FGF13: variants seen among roughly 807,000 people sequenced by gnomAD.
The protein encoded by FGF13 is fibroblast growth factor 13, also known as fibroblast growth factor homologous factor 2.
FGF13 carries 2 observed loss-of-function variants against 19.5 expected under a neutral mutation model. The observed-to-expected ratio is 0.10, with a 90% CI of 0.04 to 0.32. The LOEUF (loss-of-function observed/expected upper bound fraction) is 0.32, where lower values mean the gene tolerates loss of function less well. Among genes scored for constraint, FGF13 ranks in the 10% least tolerant of loss-of-function variants. FGF13 has a pLI of 1.00. For missense variants in FGF13, 113 were observed against 192.7 expected, an observed-to-expected ratio of 0.59 and a Z score of 2.45; for synonymous variants, 72 against 76.9, an observed-to-expected ratio of 0.94 and a Z score of 0.33.
intron 3 of FGF13, among the ~76,000 whole-genome samples, chrX:138,809,470 C>A (rs1353283876): frequency 5.4e-5 from 6 of 111,617 alleles, no homozygotes; most frequent in African/African-American, 1.3e-4. Flanking sequence ...CTACTTATGA[C>A]AAACCCACAG....
chrX:138,828,655 C>T (rs1003503177), intron 3 of FGF13, among the ~76,000 whole-genome samples: 1 of 111,290 alleles, frequency 9.0e-6, no homozygotes, highest in Non-Finnish European at 1.9e-5. Context: ...GTGAAAGCCA[C>T]TTACTAGTAA....
chrX:138,751,389 A>G (rs1156239274), intron 3 of FGF13, among the ~76,000 whole-genome samples: 1 of 111,242 alleles, frequency 9.0e-6, no homozygotes, highest in Non-Finnish European at 1.9e-5. Context: ...GCTCAGAGGC[A>G]TAGGCAGGTT....
At chrX:139,196,910 C>G (rs1041304411) in intron 1 of FGF13, among the ~76,000 whole-genome samples, 1 of 112,328 alleles carries the variant, frequency 8.9e-6, no homozygotes, top group Non-Finnish European at 1.9e-5. Context: ...TTTTAGGACA[C>G]CAGTCAAAAT....
At chrX:139,143,296 G>C (rs1003152361) in intron 1 of FGF13, among the ~76,000 whole-genome samples, 15 of 111,890 alleles carry the variant, frequency 1.3e-4, no homozygotes, top group Non-Finnish European at 2.4e-4. Flanking sequence ...AATAGTCCTA[G>C]TAGTCTGGAA....
chrX:138,750,462 T>G (rs2090390269), intron 3 of FGF13, among the ~76,000 whole-genome samples: 2 of 111,050 alleles, frequency 1.8e-5, no homozygotes, highest in Non-Finnish European at 3.8e-5. Flanking sequence ...TGTGCTTGTT[T>G]GTTACATGGG....
chrX:139,140,481 C>A (rs965693005), intron 1 of FGF13, among the ~76,000 whole-genome samples: 1 of 111,609 alleles, frequency 9.0e-6, no homozygotes, highest in Non-Finnish European at 1.9e-5. Flanking sequence ...CAGCTTTCTT[C>A]CAGTCTCCTA....
intron 3 of FGF13, among the ~76,000 whole-genome samples, chrX:138,778,215 G>C (rs1421904395): frequency 5.5e-5 from 6 of 109,367 alleles, no homozygotes; most frequent in Non-Finnish European, 1.1e-4. Flanking sequence ...ACAGATATAT[G>C]AAAAGGTGCT....
chrX:138,650,518 T>C (rs1206354444), intron 3 of FGF13, among the ~76,000 whole-genome samples: 1 of 111,997 alleles, frequency 8.9e-6, no homozygotes, highest in Non-Finnish European at 1.9e-5. Context: ...GTCGTACATG[T>C]TATGACTAGC....
At chrX:139,193,023 ATC>A (rs769495341) in intron 1 of FGF13, among the ~76,000 whole-genome samples, 78 of 112,071 alleles carry the variant, frequency 7.0e-4, no homozygotes, top group Non-Finnish European at 1.3e-3. Context: ...ATACATATTT[ATC>A]GAGTAAATTA....
chrX:138,898,765 T>C (rs192099393), intron 1 of FGF13, among the ~76,000 whole-genome samples: 76 of 111,934 alleles, frequency 6.8e-4, no homozygotes, highest in Non-Finnish European at 1.2e-3. Flanking sequence ...TAGAGCAATT[T>C]TATAGATGGA....
Position 139,053,576 on chromosome X carries a change from T to G in FGF13, c.-113+149840A>C, listed in dbSNP as rs149927823. On this transcript the variant is annotated intron_variant, in intron 1 of 2. Coordinates refer to the FGF13 transcript ENST00000421460. Reference sequence around the variant, plus strand: ...TTTTAAGAACTGTCTATTCATGTCTTTAGCCCACTTTTTGATGGGACTGTG... The same window carrying G: ...TTTTAAGAACTGTCTATTCATGTCTGTAGCCCACTTTTTGATGGGACTGTG... 5.4e-5 allele frequency among the ~76,000 whole-genome samples: 6 copies of G among 111,437 alleles called. No homozygotes were observed. The East Asian group carries it at 1.7e-3, about 32-fold the overall frequency.
intron 1 of FGF13, among the ~76,000 whole-genome samples, chrX:139,029,619 G>T (rs980273932): frequency 9.0e-6 from 1 of 111,516 alleles, no homozygotes; most frequent in Admixed American, 9.6e-5. Flanking sequence ...TAATCTGCCT[G>T]GTGTCAATTT....
chrX:138,984,339 C>T (rs1370207838), intron 1 of FGF13, among the ~76,000 whole-genome samples: 5 of 106,965 alleles, frequency 4.7e-5, no homozygotes, highest in African/African-American at 1.4e-4. Context: ...ACCCGGGAGG[C>T]GGAGGTTGTA....
intron 1 of FGF13, among the ~76,000 whole-genome samples, chrX:139,183,730 T>C (rs182996823): frequency 8.9e-6 from 1 of 112,196 alleles, no homozygotes; most frequent in Admixed American, 9.4e-5. Context: ...CTTTTCTGTA[T>C]AAATCTTCCA....
At chrX:139,109,565 A>G (rs906217064) in intron 1 of FGF13, among the ~76,000 whole-genome samples, 1 of 111,419 alleles carries the variant, frequency 9.0e-6, no homozygotes, top group African/African-American at 3.3e-5. Flanking sequence ...GGCAGACACG[A>G]TTTGGCATTT....
At chrX:138,825,297 T>G (rs2091026414) in intron 3 of FGF13, among the ~76,000 whole-genome samples, 1 of 111,748 alleles carries the variant, frequency 8.9e-6, no homozygotes, top group South Asian at 3.8e-4. Context: ...AAATTCATAC[T>G]CCACATCTCC....
chrX:138,637,594 T>C (rs2089198782), intron 3 of FGF13, among the ~76,000 whole-genome samples: 1 of 112,220 alleles, frequency 8.9e-6, no homozygotes, highest in Non-Finnish European at 1.9e-5. Context: ...GCAGCATTCA[T>C]ACATTCATTT....
chrX:138,952,434 G>T (rs947492010), intron 1 of FGF13, among the ~76,000 whole-genome samples: 5 of 111,960 alleles, frequency 4.5e-5, no homozygotes, highest in African/African-American at 1.3e-4. Flanking sequence ...ATTCAAGATG[G>T]ATTAAAGACT....
chrX:138,854,252 T>A (rs2091243796), downstream of FGF13, among the ~76,000 whole-genome samples: 1 of 111,947 alleles, frequency 8.9e-6, no homozygotes, highest in African/African-American at 3.2e-5. Flanking sequence ...GAAATAATCA[T>A]GTCACTGAAA....
Sources: gnomAD v4.1 joint callset for allele counts (sites outside exome capture counted in the v4.1 genomes callset) on GRCh38, gnomAD v4.1.1 for gene constraint, MANE v1.5 for transcripts, NCBI Gene and HGNC (gene_info 2026-07-23, HGNC 2026-07-21) for gene names.